FAM120A: variants seen among roughly 807,000 people sequenced by gnomAD.
FAM120A encodes constitutive coactivator of PPAR-gamma-like protein 1.
In FAM120A, 15 loss-of-function variants were observed where a neutral mutation model predicts 109.7. That is an observed-to-expected ratio of 0.14 (90% confidence interval 0.09 to 0.21). The LOEUF is 0.21. Ranked by LOEUF, FAM120A falls within the 10% of genes least tolerant of loss-of-function variation. The probability of loss-of-function intolerance (pLI) is 1.00; values close to 1 mark genes in which losing one functional copy is unlikely to be tolerated. For synonymous variants in FAM120A, 493 were observed against 572.8 expected, an observed-to-expected ratio of 0.86 and a Z score of 1.99; for missense variants, 899 against 1,439.3, an observed-to-expected ratio of 0.62 and a Z score of 6.07.
intron 1 of FAM120A, among the ~76,000 whole-genome samples, chr9:93,460,424 C>G (rs1441583167): frequency 6.6e-6 from 1 of 152,196 alleles, no homozygotes; most frequent in Non-Finnish European, 1.5e-5. Flanking sequence ...TGACTGCAAC[C>G]TCCACCTCCC....
At chr9:93,523,148 G>T in intron 7 of FAM120A, 1 of 346,972 alleles carries the variant, frequency 2.9e-6, no homozygotes, top group South Asian at 2.3e-5. Flanking sequence ...TCAGAACACT[G>T]ATGTGGTTTT....
At chr9:93,550,536 C>G (rs1176248832) in intron 11 of FAM120A, 41 bp from the exon 12 acceptor site, 1 of 1,487,836 alleles carries the variant, frequency 6.7e-7, no homozygotes, top group East Asian at 2.3e-5. Context: ...GACGGGCGAC[C>G]ACTCAGTAAT....
intron 3 of FAM120A, among the ~76,000 whole-genome samples, chr9:93,492,614 C>T (rs906685461): frequency 1.7e-4 from 26 of 151,980 alleles, no homozygotes; most frequent in African/African-American, 5.8e-4. Context: ...GATTAGGAGC[C>T]ATCCAGGAGG....
chr9:93,545,286 C>T (rs1861840357), intron 11 of FAM120A, among the ~76,000 whole-genome samples: 1 of 152,050 alleles, frequency 6.6e-6, no homozygotes, highest in Admixed American at 6.5e-5. Context: ...GGGATCCACC[C>T]CAACATTGCT....
intron 7 of FAM120A, among the ~76,000 whole-genome samples, chr9:93,525,442 G>A (rs188079180): frequency 1.6e-3 from 242 of 152,252 alleles, no homozygotes; most frequent in Non-Finnish European, 2.6e-3. Context: ...CTGGGGATGG[G>A]TGCTTGTGGG....
intron 5 of FAM120A, among the ~76,000 whole-genome samples, chr9:93,508,625 TGGTCCTGGGGC>T (rs1860171301): frequency 6.6e-6 from 1 of 152,196 alleles, no homozygotes; most frequent in South Asian, 2.1e-4. Flanking sequence ...GAAGCTGGGT[TGGTCCTGGGGC>T]TGGTGTTCTG....
chr9:93,470,932 A>G (rs993248154), intron 1 of FAM120A, among the ~76,000 whole-genome samples: 11 of 152,218 alleles, frequency 7.2e-5, no homozygotes, highest in Non-Finnish European at 1.3e-4. Context: ...AGTTACTGAC[A>G]GGAGATGATT....
At chr9:93,505,147 G>T (rs1163179642) in intron 5 of FAM120A, among the ~76,000 whole-genome samples, 2 of 131,148 alleles carry the variant, frequency 1.5e-5, no homozygotes, top group Non-Finnish European at 3.1e-5. Context: ...TGCAAGCTCC[G>T]CCTCCCAGGT....
At chr9:93,501,001 A>G (rs1311904521) in intron 5 of FAM120A, among the ~76,000 whole-genome samples, 1 of 152,252 alleles carries the variant, frequency 6.6e-6, no homozygotes, top group Non-Finnish European at 1.5e-5. Flanking sequence ...TATAAGAATA[A>G]CAGATACTGT....
Position 93,557,918 on chromosome 9 carries a change from C to T in FAM120A, c.2576C>T (p.Pro859Leu), listed in dbSNP as rs746136202. The T allele has an allele frequency of 1.1e-5, 17 of 1,610,992 alleles. No individual in the cohort carries two copies. Among genetic ancestry groups the T allele is most frequent in the South Asian group, 5.5e-5 (5 of 91,030 alleles). ...CAGAGCCACACGCTCCCTTTCCCGC[C>T]GCCACCTGCCCTGCCCTTCTACCCT... Reference protein sequence around the residue: ...SRQSHTLPFPPPPALPFYPAS... With the variant: ...SRQSHTLPFPLPPALPFYPAS... The change falls in exon 14 of 18, where the codon CCG (proline) becomes CTG (leucine). Residue 859 changes from proline (P) to leucine (L), a missense_variant. Physicochemically the swap from Pro to Leu is moderately conservative, Grantham distance 98. This residue lies in a region of FAM120A where 129 missense variants were observed against 153.4 expected (regional missense o/e 0.84). Transcript: ENST00000277165.
intron 5 of FAM120A, among the ~76,000 whole-genome samples, chr9:93,512,709 G>A (rs1040782720): frequency 1.3e-5 from 2 of 152,210 alleles, no homozygotes; most frequent in African/African-American, 4.8e-5. Context: ...TGGAGAACAA[G>A]AACCGATATA....
intron 7 of FAM120A, among the ~76,000 whole-genome samples, chr9:93,523,662 G>A (rs951889954): frequency 4.6e-5 from 7 of 152,196 alleles, no homozygotes; most frequent in Non-Finnish European, 2.9e-5. Context: ...CTTGTGGGGT[G>A]CAAGGGGATA....
At chr9:93,468,485 G>A (rs1261795889) in intron 1 of FAM120A, among the ~76,000 whole-genome samples, 1 of 152,174 alleles carries the variant, frequency 6.6e-6, no homozygotes, top group Non-Finnish European at 1.5e-5. Context: ...GTTTATAATA[G>A]TACTTCTTCA....
chr9:93,510,721 G>T (rs2131388822), intron 5 of FAM120A, among the ~76,000 whole-genome samples: 1 of 152,056 alleles, frequency 6.6e-6, no homozygotes, highest in East Asian at 1.9e-4. Flanking sequence ...CCCAGTGTCG[G>T]GATTGTAGTC....
At chr9:93,485,467 T>C (rs977201813) in intron 3 of FAM120A, among the ~76,000 whole-genome samples, 1 of 152,110 alleles carries the variant, frequency 6.6e-6, no homozygotes, top group Admixed American at 6.5e-5. Context: ...TGTGGTGGCA[T>C]ACCCCTGTAG....
rs373467359 is a variant in FAM120A at position 93,484,697 on chromosome 9, C to A, written c.804+8359C>A. Among the ~76,000 whole-genome samples the A allele has an allele frequency of 3.9e-5, 6 of 152,290 alleles. 1 individual carries two copies. In the South Asian group the frequency reaches 8.3e-4, roughly 21 times the overall value. On this transcript the variant is annotated intron_variant, in intron 3 of 17. Transcript: ENST00000277165. ...CAAGTGATTCTCCTGCCTCAGCCTC[C>A]CAAGTAGCTGGGACTACAGGCGTGT...
chr9:93,558,555 C>G (rs750933920), intron 14 of FAM120A, 26 bp from the exon 15 acceptor site: 2 of 1,611,274 alleles, frequency 1.2e-6, no homozygotes, highest in East Asian at 4.5e-5. Flanking sequence ...CACTTCTCCC[C>G]TCTCTCTCTA....
At position 93,543,203 on chromosome 9, in the gene FAM120A, T is replaced by C; in HGVS notation, c.1910-19T>C. Reference sequence around the variant, plus strand: ...GAATGATGCATGAATGTGTCTTCTCTGGCTTTTTTTTCCTGTAGTTTCACC... The same window carrying C: ...GAATGATGCATGAATGTGTCTTCTCCGGCTTTTTTTTCCTGTAGTTTCACC... On this transcript the variant is annotated intron_variant, in intron 10 of 17. Coordinates refer to ENST00000277165, the MANE Select transcript of FAM120A (RefSeq NM_014612.5). The C allele has an allele frequency of 6.2e-7, 1 of 1,610,262 alleles. No individual in the cohort carries two copies. Among genetic ancestry groups the C allele is most frequent in the Non-Finnish European group, 8.5e-7 (1 of 1,177,034 alleles).
intron 2 of FAM120A, among the ~76,000 whole-genome samples, chr9:93,472,132 C>A (rs961277370): frequency 6.6e-6 from 1 of 151,918 alleles, no homozygotes; most frequent in Non-Finnish European, 1.5e-5. Flanking sequence ...TGGTGGTGGG[C>A]GCCTATAATC....
Sources: gnomAD v4.1 joint callset for allele counts (sites outside exome capture counted in the v4.1 genomes callset) on GRCh38, gnomAD v4.1.1 for gene constraint, gnomAD v4.1.1 regional missense constraint, MANE v1.5 for transcripts, NCBI Gene and HGNC (gene_info 2026-07-23, HGNC 2026-07-21) for gene names.